ROBO1: variants seen among roughly 807,000 people sequenced by gnomAD.
ROBO1 encodes the protein roundabout guidance receptor 1, also known as roundabout homolog 1.
ROBO1 carries 149 observed loss-of-function variants against 195.9 expected under a neutral mutation model. That is an observed-to-expected ratio of 0.76 (90% CI 0.67 to 0.87). ROBO1 has a LOEUF of 0.87. Ranked by LOEUF, ROBO1 falls within the 40% of genes least tolerant of loss-of-function variation. The pLI is 0.00. For synonymous variants in ROBO1, 816 were observed against 733.2 expected (o/e 1.11, Z -1.82); for missense variants, 1,933 against 2,068.3 (o/e 0.93, Z 1.27).
intron 2 of ROBO1, among the ~76,000 whole-genome samples, chr3:79,491,560 T>C (rs1020376838): frequency 6.6e-6 from 1 of 152,164 alleles, no homozygotes; most frequent in African/African-American, 2.4e-5. Flanking sequence ...AGCATGTGCA[T>C]AAAATCTTTG....
At chr3:79,611,884 TAAC>T (rs1212413596) in intron 1 of ROBO1, among the ~76,000 whole-genome samples, 3 of 150,912 alleles carry the variant, frequency 2.0e-5, no homozygotes, top group Non-Finnish European at 4.4e-5. Context: ...ACTTAAAGTA[TAAC>T]AACAACAACA....
intron 2 of ROBO1, among the ~76,000 whole-genome samples, chr3:79,314,208 A>G (rs569083918): frequency 3.9e-5 from 6 of 152,242 alleles, no homozygotes; most frequent in Admixed American, 1.3e-4. Flanking sequence ...TTTTATTTTT[A>G]ATTTTCAAAA....
At chr3:78,689,219 C>A (rs972800695) in intron 8 of ROBO1, among the ~76,000 whole-genome samples, 2 of 152,118 alleles carry the variant, frequency 1.3e-5, no homozygotes, top group East Asian at 1.9e-4. Context: ...AAATTATAAC[C>A]ATTTAAAATC....
Position 78,981,073 on chromosome 3 carries a change from T to C in ROBO1, c.173-42146A>G, listed in dbSNP as rs568538692. ...ATAGATATTACTGTTTCATCCATTA[T>C]AGAAATGAGAAAACTGGAGCATAAA... is the stretch of plus-strand genomic sequence containing the variant. On this transcript the variant is annotated intron_variant, in intron 3 of 30. Coordinates refer to ENST00000464233, the MANE Select transcript of ROBO1 (RefSeq NM_002941.4). Among the ~76,000 whole-genome samples the C allele has an allele frequency of 1.1e-4, 16 of 152,230 alleles. No individual in the cohort carries two copies. The East Asian group carries it at 2.3e-3, about 22-fold the overall frequency.
chr3:78,738,207 C>T (rs1449609017), intron 5 of ROBO1, among the ~76,000 whole-genome samples: 2 of 152,012 alleles, frequency 1.3e-5, no homozygotes, highest in Non-Finnish European at 2.9e-5. Flanking sequence ...CTGAAGGGCA[C>T]TGGGGATTTG....
At position 78,607,152 on chromosome 3, in the gene ROBO1, T is replaced by G. The variant is rs1047036941; in HGVS notation, c.4436-111A>C. The G allele has an allele frequency of 2.4e-5, 25 of 1,032,500 alleles. No homozygotes were observed. The African/African-American group carries it at 3.4e-4, about 14-fold the overall frequency. 64.0% of individuals were successfully genotyped at this position (1,032,500 alleles called of 1,614,324 possible). On this transcript the variant is annotated intron_variant, in intron 28 of 30. Coordinates refer to ENST00000464233, the MANE Select transcript of ROBO1 (RefSeq NM_002941.4). ...CACCTACGAGATACTATATCTTAGA[T>G]GAACTAGAATACTTGAAGGTAACCA...
At chr3:79,280,850 T>A (rs191224606) in intron 2 of ROBO1, among the ~76,000 whole-genome samples, 1 of 152,254 alleles carries the variant, frequency 6.6e-6, no homozygotes, top group East Asian at 1.9e-4. Context: ...CCTATGAGAA[T>A]CTAATGTCTC....
chr3:78,679,498 T>C (rs1167199796), intron 10 of ROBO1, among the ~76,000 whole-genome samples: 1 of 152,064 alleles, frequency 6.6e-6, no homozygotes, highest in Non-Finnish European at 1.5e-5. Context: ...ACAAAATCAA[T>C]GTACAAAAAT....
intron 2 of ROBO1, among the ~76,000 whole-genome samples, chr3:79,550,207 A>AAAGAAAGGAAAG (rs58341695): frequency 1.9e-5 from 2 of 103,724 alleles, no homozygotes; most frequent in South Asian, 2.7e-4. Flanking sequence ...AAAAGAAAAG[A>AAAGAAAGGAAAG]AAAGAAAAGA....
chr3:79,388,417 T>C lies in ROBO1; in HGVS notation c.88+201407A>G, dbSNP rs983461856. ...TAATCAGCACCCCTGGGGATGGGTG[T>C]GAGGGGGGCAGGTAGAGAGGGGAAT... On this transcript the variant is annotated intron_variant, in intron 2 of 30. Coordinates refer to ENST00000464233, the MANE Select transcript of ROBO1 (RefSeq NM_002941.4). Among the ~76,000 whole-genome samples, 12 of 152,024 alleles carry C rather than the reference T, an allele frequency of 7.9e-5. 1 individual carries two copies. Among genetic ancestry groups the C allele is most frequent in the African/African-American group, 1.7e-4 (7 of 41,482 alleles).
chr3:79,196,238 T>A (rs1411376414), intron 2 of ROBO1, among the ~76,000 whole-genome samples: 1 of 151,052 alleles, frequency 6.6e-6, no homozygotes, highest in Admixed American at 6.6e-5. Flanking sequence ...ATGGCATCTA[T>A]CACTTCACGT....
chr3:79,523,404 GA>G (rs200901866), intron 2 of ROBO1, among the ~76,000 whole-genome samples: 5 of 138,130 alleles, frequency 3.6e-5, no homozygotes, highest in East Asian at 2.1e-4. Context: ...AAATAAATTT[GA>G]AAAAAAAATT....
intron 1 of ROBO1, among the ~76,000 whole-genome samples, chr3:79,650,286 T>C (rs571752127): frequency 6.6e-6 from 1 of 151,824 alleles, no homozygotes; most frequent in East Asian, 1.9e-4. Context: ...TAGAATATAA[T>C]TTAAAAACTT....
intron 4 of ROBO1, among the ~76,000 whole-genome samples, chr3:78,874,508 A>T (rs1049905613): frequency 6.6e-6 from 1 of 152,046 alleles, no homozygotes; most frequent in Admixed American, 6.6e-5. Flanking sequence ...TTATAGTTAC[A>T]ATATGAGGTC....
chr3:79,427,465 T>A (rs1475512438), intron 2 of ROBO1, among the ~76,000 whole-genome samples: 1 of 152,170 alleles, frequency 6.6e-6, no homozygotes, highest in Non-Finnish European at 1.5e-5. Context: ...AATGCCAGCT[T>A]ATCTGGGCTT....
intron 2 of ROBO1, among the ~76,000 whole-genome samples, chr3:79,423,972 A>G (rs2038337920): frequency 6.6e-6 from 1 of 151,716 alleles, no homozygotes. Context: ...TGAAGGTACC[A>G]CCTGGACCTT....
chr3:79,163,456 T>C (rs2081008852), intron 2 of ROBO1, among the ~76,000 whole-genome samples: 1 of 152,144 alleles, frequency 6.6e-6, no homozygotes, highest in Non-Finnish European at 1.5e-5. Context: ...GCTTCCATAT[T>C]TCAGCTGTTG....
intron 3 of ROBO1, among the ~76,000 whole-genome samples, chr3:78,977,188 T>A (rs2076901835): frequency 1.3e-5 from 2 of 152,160 alleles, no homozygotes; most frequent in South Asian, 4.1e-4. Context: ...GTTAAAATCA[T>A]CCACAACCTC....
intron 8 of ROBO1, chr3:78,693,040 G>A (rs577939078): frequency 2.6e-5 from 7 of 264,526 alleles, no homozygotes; most frequent in East Asian, 1.4e-4. Context: ...ATATATATTC[G>A]AACAGTACTT....
Sources: allele counts gnomAD v4.1 joint callset (sites outside exome capture counted in the v4.1 genomes callset), GRCh38; gene constraint gnomAD v4.1.1; transcripts MANE v1.5; gene names NCBI Gene and HGNC (gene_info 2026-07-23, HGNC 2026-07-21).